Variants in ABCC4 observed in about 807,000 individuals in gnomAD.
The protein encoded by ABCC4 is ATP-binding cassette sub-family C member 4.
Under a neutral mutation model 168.5 loss-of-function variants are expected in ABCC4, and 102 were observed. That is an observed-to-expected ratio of 0.61 (90% CI 0.52 to 0.71). The LOEUF is 0.71. Among genes scored for constraint, ABCC4 ranks in the 30% least tolerant of loss-of-function variants. The probability of loss-of-function intolerance (pLI) is 0.00; values close to 1 mark genes in which losing one functional copy is unlikely to be tolerated. For missense variants in ABCC4, 1,402 were observed against 1,605.8 expected (o/e 0.87, Z 2.17); for synonymous variants, 617 against 590.7 (o/e 1.04, Z -0.65).
chr13:95,190,674 C>T (rs2038224801), intron 9 of ABCC4, among the ~76,000 whole-genome samples: 2 of 152,206 alleles, frequency 1.3e-5, no homozygotes, highest in Admixed American at 1.3e-4. Context: ...TGTCCAAACC[C>T]AGACATCAAC....
intron 19 of ABCC4, 43 bp downstream of exon 19, chr13:95,161,146 G>T (rs1424824426): frequency 6.7e-7 from 1 of 1,502,772 alleles, no homozygotes. Context: ...TAAATGTGTT[G>T]TTAACAAGAC....
At chr13:95,213,012 A>T (rs1333731281) in intron 4 of ABCC4, among the ~76,000 whole-genome samples, 1 of 152,084 alleles carries the variant, frequency 6.6e-6, no homozygotes, top group Non-Finnish European at 1.5e-5. Flanking sequence ...CTGTAATCCC[A>T]GCTACTCAGG....
At chr13:95,193,907 T>C (rs1404699574) in intron 9 of ABCC4, among the ~76,000 whole-genome samples, 1 of 152,228 alleles carries the variant, frequency 6.6e-6, no homozygotes, top group African/African-American at 2.4e-5. Context: ...CCATGCCTCA[T>C]TACCCTCTGC....
At chr13:95,157,906 TA>T (rs1334787881) in intron 19 of ABCC4, among the ~76,000 whole-genome samples, 4 of 150,990 alleles carry the variant, frequency 2.6e-5, no homozygotes, top group Non-Finnish European at 4.4e-5. Flanking sequence ...CCGTCTCTAC[TA>T]AAAAAGTACA....
chr13:95,187,315 C>A (rs1386801977), intron 10 of ABCC4, among the ~76,000 whole-genome samples: 1 of 152,176 alleles, frequency 6.6e-6, no homozygotes, highest in Non-Finnish European at 1.5e-5. Flanking sequence ...ATGTAAATAA[C>A]ATATCCTGGC....
intron 27 of ABCC4, among the ~76,000 whole-genome samples, chr13:95,048,213 T>A (rs1178332387): frequency 6.6e-6 from 1 of 152,202 alleles, no homozygotes; most frequent in Non-Finnish European, 1.5e-5. Context: ...TTTTCTACAT[T>A]TAATAAAGGT....
In ABCC4 at chr13:95,174,778, C is replaced by A. The variant is rs991718883; in HGVS notation, c.1727+2929G>T. ...AGCAAGCCACAGAGGCCCTTCTCGG[C>A]GAAATGGAAAATTCATCAAGGCACA... is the stretch of plus-strand genomic sequence containing the variant. On this transcript the variant is annotated intron_variant, in intron 13 of 30. Transcript: ENST00000645237. 2.6e-5 allele frequency among the ~76,000 whole-genome samples: 4 copies of A among 152,068 alleles called. No homozygotes were observed. In the South Asian group the frequency reaches 6.2e-4, roughly 24 times the overall value.
chr13:95,089,674 T>C (rs1310920085), intron 20 of ABCC4, among the ~76,000 whole-genome samples: 1 of 152,106 alleles, frequency 6.6e-6, no homozygotes, highest in Admixed American at 6.6e-5. Flanking sequence ...ATAAACTGTT[T>C]ACACCAGTAA....
chr13:95,129,065 T>C (rs1157989480), intron 19 of ABCC4, among the ~76,000 whole-genome samples: 1 of 152,202 alleles, frequency 6.6e-6, no homozygotes, highest in Non-Finnish European at 1.5e-5. Context: ...GGCACTTCAT[T>C]GTAGATTTGA....
At chr13:95,291,663 C>T (rs953229483) in intron 1 of ABCC4, among the ~76,000 whole-genome samples, 5 of 152,166 alleles carry the variant, frequency 3.3e-5, no homozygotes, top group African/African-American at 1.2e-4. Flanking sequence ...ACAAGCCCTG[C>T]GGACTGTGAG....
chr13:95,046,756 C>G (rs989126395), intron 27 of ABCC4, among the ~76,000 whole-genome samples: 3 of 151,518 alleles, frequency 2.0e-5, no homozygotes, highest in African/African-American at 7.3e-5. Context: ...GAGTAAGACT[C>G]TGTCTCAATT....
In ABCC4 at chr13:95,074,323, C is replaced by A. The variant is rs1479037763; in HGVS notation, c.2808G>T (p.Glu936Asp). Reference sequence around the variant, plus strand: ...ACGTTGTCAAAAACAAGAACCAAGCCTCTGAATTTGAGAACGGTAATAAGC... The same window carrying A: ...ACGTTGTCAAAAACAAGAACCAAGCATCTGAATTTGAGAACGGTAATAAGC... Reference protein sequence around the residue: ...LFDAHQDLHSEAWFLFLTTSR... With the variant: ...LFDAHQDLHSDAWFLFLTTSR... Residue 936 changes from glutamate (E) to aspartate (D), a missense_variant and splice_region_variant, in exon 23 of 31, where the codon GAG (glutamate) becomes GAT (aspartate). Glu to Asp is a conservative substitution (Grantham distance 45). This residue lies in a region of ABCC4 where 1,007 missense variants were observed against 1,127.3 expected (regional missense o/e 0.89). Transcript: ENST00000645237. 6.2e-7 allele frequency: 1 copy of A among 1,609,536 alleles called. No individual in the cohort carries two copies. Among genetic ancestry groups the A allele is most frequent in the Non-Finnish European group, 8.5e-7 (1 of 1,177,352 alleles).
intron 26 of ABCC4, among the ~76,000 whole-genome samples, chr13:95,061,594 TTGTGTGTGTGTGTG>T (rs57517042): frequency 0.19 from 25,838 of 133,808 alleles, 2,939 homozygotes; most frequent in African/African-American, 0.33. Context: ...GAATATGTGT[TTGTGTGTGTGTGTG>T]TGTGTGTGTG....
At chr13:95,239,789 T>C (rs535540347) in intron 3 of ABCC4, among the ~76,000 whole-genome samples, 2 of 152,322 alleles carry the variant, frequency 1.3e-5, no homozygotes, top group African/African-American at 4.8e-5. Flanking sequence ...AATTAATCAT[T>C]TCTCCTGCCT....
chr13:95,289,357 C>T (rs561383761), intron 1 of ABCC4, among the ~76,000 whole-genome samples: 4 of 152,318 alleles, frequency 2.6e-5, no homozygotes, highest in African/African-American at 7.2e-5. Flanking sequence ...CATAGTGACG[C>T]AGAGGCTGCA....
intron 24 of ABCC4, 105 bp downstream of exon 24, chr13:95,073,099 C>A: frequency 2.3e-6 from 2 of 853,330 alleles, no homozygotes; most frequent in East Asian, 2.8e-5. Flanking sequence ...AATCTGTTAC[C>A]AAAGATGTAA....
intron 29 of ABCC4, among the ~76,000 whole-genome samples, chr13:95,035,926 C>T (rs923374301): frequency 1.3e-5 from 2 of 152,156 alleles, no homozygotes; most frequent in African/African-American, 2.4e-5. Context: ...GGTATTTAAT[C>T]GGACACATTT....
intron 19 of ABCC4, among the ~76,000 whole-genome samples, chr13:95,132,477 G>A (rs564727509): frequency 1.6e-4 from 24 of 152,102 alleles, no homozygotes; most frequent in East Asian, 1.2e-3. Flanking sequence ...TCAGCCTCCC[G>A]AAATGCTGGG....
chr13:95,118,732 A>C (rs1156989437), intron 19 of ABCC4, among the ~76,000 whole-genome samples: 3 of 152,220 alleles, frequency 2.0e-5, no homozygotes, highest in Non-Finnish European at 4.4e-5. Context: ...AGGGATGTCG[A>C]GAGAAGAGGA....
Sources: allele counts gnomAD v4.1 joint callset (sites outside exome capture counted in the v4.1 genomes callset), GRCh38; gene constraint gnomAD v4.1.1; regional missense constraint gnomAD v4.1.1; transcripts MANE v1.5; gene names NCBI Gene and HGNC (gene_info 2026-07-23, HGNC 2026-07-21).